C16orf74: variants seen among roughly 807,000 people sequenced by gnomAD.
C16orf74 encodes uncharacterized protein C16orf74.
A neutral mutation model predicts 6.5 loss-of-function variants in C16orf74; 10 were observed. The ratio of observed to expected loss-of-function variants is 1.54; its 90% CI spans 0.95 to 2.61. The LOEUF (loss-of-function observed/expected upper bound fraction) is 2.61, where lower values mean the gene tolerates loss of function less well. Among genes scored for constraint, C16orf74 ranks in the 30% most tolerant of loss-of-function variants. The probability of loss-of-function intolerance (pLI) is 0.00; values close to 1 mark genes in which losing one functional copy is unlikely to be tolerated. For missense variants in C16orf74, 141 were observed against 105.9 expected, an observed-to-expected ratio of 1.33 and a Z score of -1.45; for synonymous variants, 60 against 42.5, an observed-to-expected ratio of 1.41 and a Z score of -1.60.
chr16:85,720,645 G>A (rs2054072826), intron 2 of C16orf74, among the ~76,000 whole-genome samples: 1 of 151,848 alleles, frequency 6.6e-6, no homozygotes, highest in African/African-American at 2.4e-5. Flanking sequence ...ATGTGGTGAT[G>A]TGCACCTGTA....
chr16:85,738,567 G>A (rs1384871873), intron 1 of C16orf74, among the ~76,000 whole-genome samples: 1 of 151,636 alleles, frequency 6.6e-6, no homozygotes, highest in Non-Finnish European at 1.5e-5. Context: ...CTGACCTCAA[G>A]TGATCCACCC....
At chr16:85,726,683 C>G (rs1034261359) in intron 2 of C16orf74, among the ~76,000 whole-genome samples, 1 of 152,176 alleles carries the variant, frequency 6.6e-6, no homozygotes, top group African/African-American at 2.4e-5. Flanking sequence ...CCAGTTTGTT[C>G]TGAACACTGC....
intron 1 of C16orf74, among the ~76,000 whole-genome samples, chr16:85,739,558 A>G (rs2054280453): frequency 2.6e-5 from 4 of 152,250 alleles, no homozygotes; most frequent in Admixed American, 2.6e-4. Flanking sequence ...ACTGGGAGAT[A>G]GGAGAGCATG....
chr16:85,715,316 C>A (rs1414261403), intron 2 of C16orf74, among the ~76,000 whole-genome samples: 1 of 152,168 alleles, frequency 6.6e-6, no homozygotes, highest in Non-Finnish European at 1.5e-5. Context: ...TCTACTGGGG[C>A]CGAGGCGTGC....
intron 1 of C16orf74, among the ~76,000 whole-genome samples, chr16:85,739,791 C>A (rs1261906739): frequency 6.6e-6 from 1 of 151,826 alleles, no homozygotes; most frequent in Non-Finnish European, 1.5e-5. Context: ...AGAGCAAGAC[C>A]CTGTCTCAAA....
In C16orf74 at chr16:85,748,213, G is replaced by A. The variant is rs1315598447; in HGVS notation, c.-19+2713C>T. 5.3e-5 allele frequency among the ~76,000 whole-genome samples: 8 copies of A among 151,672 alleles called. No individual in the cohort carries two copies. The East Asian group carries it at 1.4e-3, about 26-fold the overall frequency. On this transcript the variant is annotated intron_variant, in intron 1 of 3. Coordinates refer to ENST00000284245, the MANE Select transcript of C16orf74 (RefSeq NM_206967.3). ...ACATTGGTTTCATCTGGAAAGGTGG[G>A]ACAACTGAAGGGGGAAGTACGTGGG...
chr16:85,728,759 C>T lies in C16orf74; in HGVS notation c.28+6431G>A, dbSNP rs538154574. ...ACCCAGGAGATCTTCCCAGTCACCA[C>T]TCCATTTTACAGACACAGAAACTGA... On this transcript the variant is annotated intron_variant, in intron 2 of 3. Transcript: ENST00000284245. Among the ~76,000 whole-genome samples the T allele has an allele frequency of 1.9e-3, 287 of 152,334 alleles. 3 individuals are homozygous for T. Among genetic ancestry groups the T allele is most frequent in the African/African-American group, 6.3e-3 (261 of 41,560 alleles).
chr16:85,718,733 C>G (rs889040950), intron 2 of C16orf74, among the ~76,000 whole-genome samples: 2 of 152,264 alleles, frequency 1.3e-5, no homozygotes, highest in African/African-American at 4.8e-5. Flanking sequence ...GCTGTGCACA[C>G]GTAATAAACA....
chr16:85,713,598 C>T (rs1015051793), intron 2 of C16orf74, among the ~76,000 whole-genome samples: 1 of 152,188 alleles, frequency 6.6e-6, no homozygotes, highest in African/African-American at 2.4e-5. Context: ...GATAAGGACA[C>T]CCGTCATATT....
intron 1 of C16orf74, among the ~76,000 whole-genome samples, chr16:85,735,449 T>A (rs2054233955): frequency 6.6e-6 from 1 of 152,114 alleles, no homozygotes; most frequent in East Asian, 1.9e-4. Flanking sequence ...AACTTACGGG[T>A]GCCTCAAAGT....
intron 2 of C16orf74, among the ~76,000 whole-genome samples, chr16:85,732,533 G>A (rs956378876): frequency 5.3e-5 from 8 of 152,026 alleles, no homozygotes; most frequent in Admixed American, 1.3e-4. Context: ...GGGCGTGGTG[G>A]CACACGCCTG....
At position 85,707,849 on chromosome 16, in the gene C16orf74, T is replaced by C. The variant is rs767792630; in HGVS notation, c.*159A>G. ...CTGTTCTGGAAGTGGACAGGCTGGA[T>C]TCCTCGCTGGTCCTGCCACGTCTCT... is the stretch of plus-strand genomic sequence containing the variant. On this transcript the variant is annotated 3_prime_UTR_variant, in exon 4 of 4. Transcript: ENST00000284245. 12 of 630,760 alleles carry C rather than the reference T, an allele frequency of 1.9e-5. No individual in the cohort carries two copies. Among genetic ancestry groups the C allele is most frequent in the Non-Finnish European group, 3.1e-5 (11 of 358,812 alleles). 39.1% of individuals were successfully genotyped at this position (630,760 alleles called of 1,614,324 possible).
chr16:85,725,219 A>G (rs2054121626), intron 2 of C16orf74, among the ~76,000 whole-genome samples: 1 of 152,172 alleles, frequency 6.6e-6, no homozygotes, highest in Admixed American at 6.5e-5. Flanking sequence ...GGGAGGCTGG[A>G]GTGGGGTGTC....
At position 85,707,671 on chromosome 16, in the gene C16orf74, G is replaced by T. The variant is rs989801894; in HGVS notation, c.*337C>A. 5.8e-5 allele frequency: 19 copies of T among 329,852 alleles called. No homozygotes were observed. Among genetic ancestry groups the T allele is most frequent in the African/African-American group, 3.0e-4 (14 of 46,126 alleles). The allele number at this position is 329,852 out of a possible 1,614,324, so 20.4% of individuals were successfully genotyped here. On this transcript the variant is annotated 3_prime_UTR_variant, in exon 4 of 4. Transcript: ENST00000284245. ...TATGGCAGGGGCATGTGTTTGCACA[G>T]CCCTGGGGGCTGGGAGGGTGTGTTT... is the stretch of plus-strand genomic sequence containing the variant.
intron 2 of C16orf74, among the ~76,000 whole-genome samples, chr16:85,724,523 T>C (rs1235416747): frequency 6.6e-6 from 1 of 152,034 alleles, no homozygotes; most frequent in Admixed American, 6.6e-5. Flanking sequence ...GTGGGGACAG[T>C]GGACAGCACG....
chr16:85,749,354 T>C (rs973978182), intron 1 of C16orf74, among the ~76,000 whole-genome samples: 1 of 152,230 alleles, frequency 6.6e-6, no homozygotes, highest in South Asian at 2.1e-4. Flanking sequence ...GGCGTGATCA[T>C]AGCTCACTGT....
chr16:85,721,276 C>T (rs1258224895), intron 2 of C16orf74, among the ~76,000 whole-genome samples: 1 of 152,054 alleles, frequency 6.6e-6, no homozygotes, highest in Non-Finnish European at 1.5e-5. Context: ...TCGTGTGTGA[C>T]CCAGGGTCCC....
intron 1 of C16orf74, among the ~76,000 whole-genome samples, chr16:85,738,367 C>A (rs1598803942): frequency 6.6e-6 from 1 of 150,478 alleles, no homozygotes; most frequent in African/African-American, 2.5e-5. Context: ...CTCTGTTGCC[C>A]AGGCTGGAGT....
Position 85,707,673 on chromosome 16 carries a change from C to G in C16orf74, c.*335G>C, listed in dbSNP as rs1391900469. The G allele has an allele frequency of 3.0e-6, 1 of 334,992 alleles. No individual in the cohort carries two copies. The highest frequency in any genetic ancestry group is 2.2e-5 in the African/African-American group (1 of 46,266). The allele number at this position is 334,992 out of a possible 1,614,324, so 20.8% of individuals were successfully genotyped here. On this transcript the variant is annotated 3_prime_UTR_variant, in exon 4 of 4. Coordinates refer to ENST00000284245, the MANE Select transcript of C16orf74 (RefSeq NM_206967.3). ...TGGCAGGGGCATGTGTTTGCACAGC[C>G]CTGGGGGCTGGGAGGGTGTGTTTGT...
Sources: gnomAD v4.1 joint callset for allele counts (sites outside exome capture counted in the v4.1 genomes callset) on GRCh38, gnomAD v4.1.1 for gene constraint, MANE v1.5 for transcripts, NCBI Gene and HGNC (gene_info 2026-07-23, HGNC 2026-07-21) for gene names.